RXRG: variants seen among roughly 807,000 people sequenced by gnomAD.
RXRG encodes retinoid X receptor gamma.
In RXRG, 19 loss-of-function variants were observed where a neutral mutation model predicts 49.2. That is an observed-to-expected ratio of 0.39 (90% CI 0.27 to 0.57). The LOEUF (loss-of-function observed/expected upper bound fraction) is 0.57. Ranked by LOEUF, RXRG falls within the 20% of genes least tolerant of loss-of-function variation. The probability of loss-of-function intolerance (pLI) is 0.64; values close to 1 mark genes in which losing one functional copy is unlikely to be tolerated. For synonymous variants in RXRG, 224 were observed against 216.6 expected, an observed-to-expected ratio of 1.03 and a Z score of -0.30; for missense variants, 452 against 592.5, an observed-to-expected ratio of 0.76 and a Z score of 2.46.
intron 1 of RXRG, among the ~76,000 whole-genome samples, chr1:165,439,804 T>C (rs1353923380): frequency 6.6e-6 from 1 of 152,250 alleles, no homozygotes; most frequent in Non-Finnish European, 1.5e-5. Flanking sequence ...AAAACAGTTA[T>C]AAAATACCTT....
At chr1:165,413,967 T>C (rs1658040270) in intron 4 of RXRG, among the ~76,000 whole-genome samples, 1 of 152,242 alleles carries the variant, frequency 6.6e-6, no homozygotes, top group South Asian at 2.1e-4. Context: ...CTGTGTGATT[T>C]CCATGGTCTC....
Position 165,407,429 on chromosome 1 carries a change from G to A in RXRG, c.1139-512C>T, listed in dbSNP as rs78859216. ...CCTTCTTGAAAGACTATTTTCCCTC[G>A]AGCCTCCAGGACACCACCCTTCTGA... is the stretch of plus-strand genomic sequence containing the variant. On this transcript the variant is annotated intron_variant, in intron 8 of 9. Transcript: ENST00000359842. Among the ~76,000 whole-genome samples the A allele has an allele frequency of 9.5e-4, 145 of 152,180 alleles. 2 individuals carry two copies. In the East Asian group the frequency reaches 0.027, roughly 29 times the overall value.
At chr1:165,441,164 T>A (rs1428199311) in intron 1 of RXRG, among the ~76,000 whole-genome samples, 3 of 152,252 alleles carry the variant, frequency 2.0e-5, no homozygotes, top group Non-Finnish European at 4.4e-5. Flanking sequence ...TCAGGGTCAG[T>A]TGGACAGGAC....
At chr1:165,405,188 A>T (rs950172641) in intron 9 of RXRG, among the ~76,000 whole-genome samples, 1 of 152,336 alleles carries the variant, frequency 6.6e-6, no homozygotes, top group Non-Finnish European at 1.5e-5. Flanking sequence ...GGAAAATGAT[A>T]TGTACGACTC....
At position 165,428,758 on chromosome 1, in the gene RXRG, C is replaced by T. The variant is rs150448748; in HGVS notation, c.258G>A (p.Ala86=). ...GGGCAACCAAGTTGATTCCTGGAGG[C>T]GCTGCAAGTGCTCCTGAGGGTGGGC... ...AMGPPSGALA[A]PPGINLVAPP... is the part of the protein sequence containing the mutation. Residue 86 remains alanine (A), a synonymous_variant, in exon 2 of 10, where the codon GCG becomes GCA. Coordinates refer to ENST00000359842, the MANE Select transcript of RXRG (RefSeq NM_006917.5). The T allele has an allele frequency of 2.4e-5, 39 of 1,605,402 alleles. No homozygotes were observed. The highest frequency in any genetic ancestry group is 3.3e-4 in the Middle Eastern group (2 of 6,022).
chr1:165,417,652 A>C (rs1658168778), intron 3 of RXRG, among the ~76,000 whole-genome samples: 1 of 152,228 alleles, frequency 6.6e-6, no homozygotes. Context: ...CCAAGTTCTT[A>C]GGAAACCTAT....
rs369858210 is a variant in RXRG, at chr1:165,428,979, G to T, written c.50-13C>A. On this transcript the variant is annotated splice_polypyrimidine_tract_variant and intron_variant, in intron 1 of 9. Transcript: ENST00000359842. ...TGGCCAGGGGAGCCTGTAAGAAGAA[G>T]AATATAGATGGTGGGAGGTTGGGGA... is the stretch of plus-strand genomic sequence containing the variant. 219 of 1,608,198 alleles carry T rather than the reference G, an allele frequency of 1.4e-4. No individual in the cohort carries two copies. In the African/African-American group the frequency reaches 2.6e-3, roughly 19 times the overall value.
Position 165,425,011 on chromosome 1 carries a change from A to T in RXRG, c.297+3708T>A, listed in dbSNP as rs984358142. The T allele has an allele frequency of 1.4e-5, 14 of 972,228 alleles. No homozygotes were observed. In the African/African-American group the frequency reaches 2.1e-4, roughly 15 times the overall value. 60.2% of individuals were successfully genotyped at this position (972,228 alleles called of 1,614,324 possible). ...AGCTTCCCCAGCACTTGGCAAGCTT[A>T]ATATAGCTCCCCAAAGCCAAACTTG... On this transcript the variant is annotated intron_variant, in intron 2 of 9. Coordinates refer to ENST00000359842, the MANE Select transcript of RXRG (RefSeq NM_006917.5).
At position 165,428,812 on chromosome 1, in the gene RXRG, A is replaced by G. The variant is rs765520178; in HGVS notation, c.204T>C (p.Ser68=). The G allele has an allele frequency of 6.2e-7, 1 of 1,614,090 alleles. No homozygotes were observed. Among genetic ancestry groups the G allele is most frequent in the South Asian group, 1.1e-5 (1 of 91,078 alleles). Residue 68 remains serine (S), a synonymous_variant, in exon 2 of 10, where the codon TCT becomes TCC. Coordinates refer to ENST00000359842, the MANE Select transcript of RXRG (RefSeq NM_006917.5). The part of the protein sequence containing the change: ...AVGTPLNALG[S]PYRVITSAMG... ...TGGCAGAGGTGATGACTCGATATGG[A>G]GAGCCCAGGGCATTGAGGGGGGTCC...
intron 4 of RXRG, 138 bp downstream of exon 4, chr1:165,416,903 G>T: frequency 1.3e-6 from 1 of 782,494 alleles, no homozygotes; most frequent in Non-Finnish European, 2.0e-6. Flanking sequence ...TCTCTTTAGA[G>T]CCCTGTGGGA....
At position 165,401,299 on chromosome 1, in the gene RXRG, G is replaced by T. The variant is rs968497570; in HGVS notation, c.1356C>A (p.Leu452=). Residue 452 remains leucine (L), a synonymous_variant, in exon 10 of 10, where the codon CTC becomes CTA. Transcript: ENST00000359842. The part of the protein sequence containing the change: ...LIGDTPIDTF[L]MEMLETPLQI... Reference sequence around the variant, plus strand: ...GCAGCGGGGTCTCCAACATCTCCATGAGGAAGGTGTCAATGGGGGTGTCCC... The same window carrying T: ...GCAGCGGGGTCTCCAACATCTCCATTAGGAAGGTGTCAATGGGGGTGTCCC... The T allele has an allele frequency of 3.7e-6, 6 of 1,614,132 alleles. No individual in the cohort carries two copies. Among genetic ancestry groups the T allele is most frequent in the Non-Finnish European group, 5.1e-6 (6 of 1,180,016 alleles).
chr1:165,422,285 C>T (rs1658345431), intron 2 of RXRG, among the ~76,000 whole-genome samples: 1 of 152,204 alleles, frequency 6.6e-6, no homozygotes, highest in Non-Finnish European at 1.5e-5. Flanking sequence ...TTCCTATTTA[C>T]AGATAAGGAC....
intron 2 of RXRG, among the ~76,000 whole-genome samples, chr1:165,421,292 A>T (rs1658303694): frequency 6.6e-6 from 1 of 152,220 alleles, no homozygotes; most frequent in African/African-American, 2.4e-5. Context: ...TTTAAAAATT[A>T]ATTTGCATAA....
chr1:165,406,279 G>T (rs1223335217), intron 9 of RXRG, among the ~76,000 whole-genome samples: 1 of 152,094 alleles, frequency 6.6e-6, no homozygotes, highest in East Asian at 1.9e-4. Flanking sequence ...CACCTTCCCA[G>T]ATGCCACACA....
chr1:165,440,503 A>T (rs1371371471), intron 1 of RXRG, among the ~76,000 whole-genome samples: 1 of 152,196 alleles, frequency 6.6e-6, no homozygotes, highest in Non-Finnish European at 1.5e-5. Flanking sequence ...TCCAACGAGC[A>T]TTTCCTTTGA....
At chr1:165,406,717 A>G in intron 9 of RXRG, 95 bp downstream of exon 9, 1 of 862,130 alleles carries the variant, frequency 1.2e-6, no homozygotes, top group African/African-American at 1.7e-5. Flanking sequence ...ACATTTAAAA[A>G]CACCTAAACA....
chr1:165,440,766 A>G (rs143602575), intron 1 of RXRG, among the ~76,000 whole-genome samples: 1 of 152,260 alleles, frequency 6.6e-6, no homozygotes, highest in Non-Finnish European at 1.5e-5. Flanking sequence ...CACACCCGCG[A>G]TCCAATGCTG....
At chr1:165,406,956 C>T (rs755414024) in intron 8 of RXRG, 39 bp from the exon 9 acceptor site, 4 of 1,428,550 alleles carry the variant, frequency 2.8e-6, no homozygotes, top group Non-Finnish European at 2.0e-6. Flanking sequence ...ATTACACACC[C>T]TCCAGCAGAG....
intron 4 of RXRG, among the ~76,000 whole-genome samples, chr1:165,414,902 CT>C (rs1658079003): frequency 6.6e-6 from 1 of 152,164 alleles, no homozygotes. Context: ...TCTAAAACTT[CT>C]GATTTCAGCA....
Sources: allele counts gnomAD v4.1 joint callset (sites outside exome capture counted in the v4.1 genomes callset), GRCh38; gene constraint gnomAD v4.1.1; transcripts MANE v1.5; gene names NCBI Gene and HGNC (gene_info 2026-07-23, HGNC 2026-07-21).